The following GSE1 variants were observed in gnomAD, a reference collection of about 807,000 sequenced individuals.
GSE1 encodes Gse1 coiled-coil protein.
Under a neutral mutation model 112.6 loss-of-function variants are expected in GSE1, and 32 were observed. The observed-to-expected ratio is 0.28, with a 90% CI of 0.21 to 0.38. The LOEUF is 0.38. GSE1 is among the 10% of genes least tolerant of loss of function. GSE1 has a pLI of 1.00. For synonymous variants in GSE1, 1,115 were observed against 735.6 expected (o/e 1.52, Z -8.35); for missense variants, 2,348 against 1,699.2 (o/e 1.38, Z -6.71).
Position 85,654,795 on chromosome 16 carries a change from C to T in GSE1, c.601C>T (p.Leu201Phe), listed in dbSNP as rs1446695937. 4 of 1,608,256 alleles carry T rather than the reference C, an allele frequency of 2.5e-6. No individual in the cohort carries two copies. The highest frequency in any genetic ancestry group is 4.5e-5 in the East Asian group (2 of 44,816). ...CTTGCCCACTATCCCCGCCTGCAGC[C>T]TCCAGCGGCCCGTGCACCACGTGGT... ...VQDSRFPPLN[L>F]QRPVHHVVPP... is the part of the protein sequence containing the mutation. Residue 201 changes from leucine (L) to phenylalanine (F), a missense_variant and splice_region_variant, in exon 5 of 16, where the codon CTC becomes TTC. Transcript: ENST00000253458.
exon 1 of GSE1, chr16:85,170,704 C>G (rs2074345809): frequency 1.0e-6 from 1 of 985,752 alleles, no homozygotes; most frequent in South Asian, 4.7e-5. Flanking sequence ...GAAGCTGGCT[C>G]AGGCCCCGTT....
chr16:85,466,542 G>A (rs779293862), intron 2 of GSE1, among the ~76,000 whole-genome samples: 2 of 152,206 alleles, frequency 1.3e-5, no homozygotes, highest in Non-Finnish European at 1.5e-5. Flanking sequence ...GCATTTGGGT[G>A]CCTTATAGAT....
chr16:85,299,516 C>G (rs1480544604), intron 1 of GSE1, among the ~76,000 whole-genome samples: 3 of 152,252 alleles, frequency 2.0e-5, no homozygotes, highest in Non-Finnish European at 4.4e-5. Context: ...AGGCCTGCCT[C>G]TGGGCCTCCA....
At chr16:85,346,338 G>C (rs1184061563) in intron 1 of GSE1, among the ~76,000 whole-genome samples, 1 of 151,910 alleles carries the variant, frequency 6.6e-6, no homozygotes, top group Non-Finnish European at 1.5e-5. Context: ...ATGATGGGCA[G>C]GTAGATGGAT....
At chr16:85,197,826 C>T (rs1226240862) in intron 1 of GSE1, among the ~76,000 whole-genome samples, 3 of 152,216 alleles carry the variant, frequency 2.0e-5, no homozygotes, top group Non-Finnish European at 4.4e-5. Flanking sequence ...AGGCCTGGAG[C>T]AGAGAGAGGG....
At chr16:85,488,306 G>T (rs112721565) in intron 2 of GSE1, among the ~76,000 whole-genome samples, 1 of 152,106 alleles carries the variant, frequency 6.6e-6, no homozygotes, top group Non-Finnish European at 1.5e-5. Context: ...GCCCGCCTCC[G>T]TTTATTAAGC....
chr16:85,403,787 G>A (rs550082971), intron 2 of GSE1, among the ~76,000 whole-genome samples: 5 of 152,256 alleles, frequency 3.3e-5, no homozygotes, highest in Non-Finnish European at 7.4e-5. Context: ...TGGTGACAGA[G>A]TGAGACCCTG....
chr16:85,261,434 A>G (rs79637364), intron 1 of GSE1, among the ~76,000 whole-genome samples: 3,523 of 152,302 alleles, frequency 0.023, 153 homozygotes, highest in African/African-American at 0.081. Context: ...TCAGCCAGGT[A>G]GGCACTTGGC....
intron 2 of GSE1, among the ~76,000 whole-genome samples, chr16:85,443,886 C>T (rs984769144): frequency 2.0e-5 from 3 of 151,640 alleles, no homozygotes; most frequent in Non-Finnish European, 2.9e-5. Context: ...TGACCTATGG[C>T]GACCAGAAAG....
chr16:85,377,643 C>T (rs1430558469), intron 2 of GSE1, among the ~76,000 whole-genome samples: 1 of 152,224 alleles, frequency 6.6e-6, no homozygotes, highest in African/African-American at 2.4e-5. Flanking sequence ...GGGCAGAAGC[C>T]ACTGCTTCCT....
intron 1 of GSE1, among the ~76,000 whole-genome samples, chr16:85,198,975 C>T (rs1444541845): frequency 7.3e-5 from 11 of 151,264 alleles, no homozygotes; most frequent in African/African-American, 2.2e-4. Context: ...GACGGAGTCT[C>T]GCTCTGTTGC....
intron 1 of GSE1, among the ~76,000 whole-genome samples, chr16:85,337,711 G>T (rs2046532899): frequency 6.6e-6 from 1 of 152,222 alleles, no homozygotes; most frequent in Non-Finnish European, 1.5e-5. Context: ...CCATGGGTGT[G>T]GGCCAGGGCC....
upstream of GSE1, chr16:85,613,254 G>T (rs889296858): frequency 7.9e-6 from 12 of 1,524,552 alleles, no homozygotes; most frequent in African/African-American, 1.7e-4. Flanking sequence ...CTTGGCCGGG[G>T]CCCCGGAAGC....
chr16:85,610,503 G>C (rs567398097), upstream of GSE1, among the ~76,000 whole-genome samples: 20 of 152,388 alleles, frequency 1.3e-4, no homozygotes, highest in African/African-American at 4.8e-4. Context: ...TCGTTAGCGA[G>C]GAGCGCGCCG....
chr16:85,315,198 G>T (rs1469165465), intron 1 of GSE1, among the ~76,000 whole-genome samples: 1 of 152,166 alleles, frequency 6.6e-6, no homozygotes, highest in Non-Finnish European at 1.5e-5. Flanking sequence ...GAGACAAAGG[G>T]GTGGCTGAGG....
intron 1 of GSE1, among the ~76,000 whole-genome samples, chr16:85,224,103 C>T (rs1200698957): frequency 2.6e-5 from 4 of 151,740 alleles, no homozygotes; most frequent in Non-Finnish European, 5.9e-5. Flanking sequence ...GGGCACGTGG[C>T]GCATCTCAAA....
At chr16:85,422,599 C>T (rs570903859) in intron 2 of GSE1, among the ~76,000 whole-genome samples, 1 of 149,416 alleles carries the variant, frequency 6.7e-6, no homozygotes, top group African/African-American at 2.4e-5. Context: ...AAAAAAAAAG[C>T]AGACAGTAGG....
chr16:85,358,187 C>A (rs556143850), intron 2 of GSE1, among the ~76,000 whole-genome samples: 1 of 152,168 alleles, frequency 6.6e-6, no homozygotes, highest in East Asian at 1.9e-4. Flanking sequence ...ATCCTAAGGG[C>A]TTCTGCATGG....
intron 2 of GSE1, among the ~76,000 whole-genome samples, chr16:85,642,826 C>G (rs548820607): frequency 1.1e-3 from 171 of 152,298 alleles, no homozygotes; most frequent in African/African-American, 3.9e-3. Context: ...GTCTTTACCT[C>G]TCCGGGTGCC....
Sources: allele counts gnomAD v4.1 joint callset (sites outside exome capture counted in the v4.1 genomes callset), GRCh38; gene constraint gnomAD v4.1.1; transcripts MANE v1.5; gene names NCBI Gene and HGNC (gene_info 2026-07-23, HGNC 2026-07-21).